Variants in PLBD2 observed in about 807,000 individuals in gnomAD.
PLBD2 encodes putative aminopeptidase PLBD2.
A neutral mutation model predicts 68.3 loss-of-function variants in PLBD2; 51 were observed. That is an observed-to-expected ratio of 0.75 (90% CI 0.60 to 0.94). The LOEUF (loss-of-function observed/expected upper bound fraction) is 0.94. Ranked by LOEUF, PLBD2 falls within the 40% of genes least tolerant of loss-of-function variation. The probability of loss-of-function intolerance (pLI) is 0.00; values close to 1 mark genes in which losing one functional copy is unlikely to be tolerated. For missense variants in PLBD2, 729 were observed against 792.2 expected (o/e 0.92, Z 0.96); for synonymous variants, 314 against 339.3 (o/e 0.93, Z 0.82).
chr12:113,362,218 G>A (rs939197030), intron 1 of PLBD2, among the ~76,000 whole-genome samples: 7 of 152,028 alleles, frequency 4.6e-5, no homozygotes, highest in African/African-American at 1.2e-4. Context: ...GTGTGGTTGC[G>A]CATGCCTGTG....
In PLBD2 at chr12:113,380,891, G is replaced by A. The variant is rs369119695; in HGVS notation, c.957+49G>A. ...TCTGTTCCTGGGGTGTTTGTCACAC[G>A]GCGGCTCTGAGCTGGCAGGATTGAT... On this transcript the variant is annotated intron_variant, in intron 6 of 11. Coordinates refer to ENST00000280800, the MANE Select transcript of PLBD2 (RefSeq NM_173542.4). The A allele has an allele frequency of 6.0e-4, 906 of 1,504,130 alleles. 1 individual carries two copies. Among genetic ancestry groups the A allele is most frequent in the Non-Finnish European group, 7.8e-4 (867 of 1,108,900 alleles). The allele number at this position is 1,504,130 out of a possible 1,614,324, so 93.2% of individuals were successfully genotyped here. A position where few individuals can be genotyped will look rare whatever the true frequency, so the allele number is the denominator to read the frequency against.
chr12:113,372,848 C>T lies in PLBD2; in HGVS notation c.543+41C>T, dbSNP rs1246310913. On this transcript the variant is annotated intron_variant, in intron 3 of 11. Coordinates refer to ENST00000280800, the MANE Select transcript of PLBD2 (RefSeq NM_173542.4). This position sits in a 1 kb window ranked among gnomAD's most constrained non-coding sequence, Gnocchi z 4.2. Reference sequence around the variant, plus strand: ...ACGCTTGGTGGGAGGGGGCTTCCAGCTGGCCAGCCATCCTGTCTCCTGTTG... The same window carrying T: ...ACGCTTGGTGGGAGGGGGCTTCCAGTTGGCCAGCCATCCTGTCTCCTGTTG... The T allele has an allele frequency of 1.3e-6, 2 of 1,596,368 alleles. No individual in the cohort carries two copies. Among genetic ancestry groups the T allele is most frequent in the Non-Finnish European group, 1.7e-6 (2 of 1,172,446 alleles).
intron 2 of PLBD2, among the ~76,000 whole-genome samples, chr12:113,370,930 C>T (rs1957384515): frequency 6.6e-6 from 1 of 152,174 alleles, no homozygotes; most frequent in East Asian, 1.9e-4. Context: ...AGAGCACCTG[C>T]CTGTAATCCC....
At chr12:113,378,631 G>A (rs1356798446) in intron 5 of PLBD2, among the ~76,000 whole-genome samples, 1 of 150,598 alleles carries the variant, frequency 6.6e-6, no homozygotes, top group Non-Finnish European at 1.5e-5. Context: ...CAAAGCACTG[G>A]GATTTCAGGT....
chr12:113,382,239 T>C (rs79051127), intron 6 of PLBD2, among the ~76,000 whole-genome samples: 4,058 of 152,318 alleles, frequency 0.027, 89 homozygotes, highest in Middle Eastern at 0.092. Context: ...GCTGCTTTAT[T>C]AACACACTGA....
chr12:113,386,291 C>T (rs534930698), intron 9 of PLBD2, among the ~76,000 whole-genome samples: 562 of 114,840 alleles, frequency 4.9e-3, no homozygotes, highest in Middle Eastern at 0.021. Flanking sequence ...CGGGTTCAAG[C>T]GATTCTTGTG....
At chr12:113,374,030 A>T (rs996192870) in intron 3 of PLBD2, among the ~76,000 whole-genome samples, 2 of 152,108 alleles carry the variant, frequency 1.3e-5, no homozygotes, top group Admixed American at 6.6e-5. Context: ...CCAAGGCCCC[A>T]TGAGGGACAC....
chr12:113,380,440 G>C (rs1390888142), intron 5 of PLBD2, among the ~76,000 whole-genome samples: 1 of 152,144 alleles, frequency 6.6e-6, no homozygotes. Context: ...CAGCTGTGTT[G>C]TTTCTTTTTA....
At chr12:113,371,699 C>T (rs772587255) in intron 2 of PLBD2, among the ~76,000 whole-genome samples, 4 of 152,128 alleles carry the variant, frequency 2.6e-5, no homozygotes, top group Admixed American at 6.5e-5. Context: ...CACTGAGCCT[C>T]CACCCTAAAC....
At chr12:113,385,047 C>A in intron 8 of PLBD2, 101 bp downstream of exon 8, 2 of 1,346,928 alleles carry the variant, frequency 1.5e-6, no homozygotes, top group South Asian at 1.3e-5. Context: ...TGAACGATCT[C>A]AGGAGGGTGT....
intron 1 of PLBD2, among the ~76,000 whole-genome samples, chr12:113,364,362 T>C (rs1000717695): frequency 6.6e-6 from 1 of 152,156 alleles, no homozygotes; most frequent in African/African-American, 2.4e-5. Flanking sequence ...TCTCCTTTGA[T>C]CCACTGCCAG....
In PLBD2 at chr12:113,369,111, T is replaced by G; in HGVS notation, c.291-5T>G. ...CTGACTGAGTGTCCCCTCCTTCCCCTCCAGGTGGGCCTTCCTGGAGCTGGG... is the reference window on the plus strand; with the variant it reads ...CTGACTGAGTGTCCCCTCCTTCCCCGCCAGGTGGGCCTTCCTGGAGCTGGG... On this transcript the variant is annotated splice_region_variant and splice_polypyrimidine_tract_variant and intron_variant, in intron 1 of 11. Transcript: ENST00000280800. The G allele has an allele frequency of 6.3e-7, 1 of 1,586,390 alleles. No individual in the cohort carries two copies. Among genetic ancestry groups the G allele is most frequent in the Non-Finnish European group, 8.6e-7 (1 of 1,165,766 alleles).
At chr12:113,364,731 G>C (rs754464851) in intron 1 of PLBD2, among the ~76,000 whole-genome samples, 8 of 152,108 alleles carry the variant, frequency 5.3e-5, no homozygotes, top group Non-Finnish European at 1.5e-5. Flanking sequence ...CAAAGCACTG[G>C]GGTTACAGGC....
chr12:113,368,056 T>G (rs1957357156), intron 1 of PLBD2, among the ~76,000 whole-genome samples: 1 of 151,166 alleles, frequency 6.6e-6, no homozygotes, highest in Non-Finnish European at 1.5e-5. Context: ...CCCCCCAGCC[T>G]GGGAAACAGC....
chr12:113,366,757 C>T (rs1028012516), intron 1 of PLBD2, among the ~76,000 whole-genome samples: 1 of 151,848 alleles, frequency 6.6e-6, no homozygotes, highest in South Asian at 2.1e-4. Flanking sequence ...TAGGCATCAG[C>T]CACCTGGCCT....
chr12:113,358,596 C>A lies in PLBD2; in HGVS notation c.-5C>A, dbSNP rs1417643319. 2.0e-6 allele frequency: 3 copies of A among 1,467,236 alleles called. No individual in the cohort carries two copies. The highest frequency in any genetic ancestry group is 2.7e-5 in the Admixed American group (1 of 36,452). The allele number at this position is 1,467,236 out of a possible 1,614,324, so 90.9% of individuals were successfully genotyped here. ...CCGGGCTGCGGGGCGCAGCATTGTGCGGTCATGGTGGGCCAGATGTACTGC... is the reference window on the plus strand; with the variant it reads ...CCGGGCTGCGGGGCGCAGCATTGTGAGGTCATGGTGGGCCAGATGTACTGC... On this transcript the variant is annotated 5_prime_UTR_variant, in exon 1 of 12. Coordinates refer to ENST00000280800, the MANE Select transcript of PLBD2 (RefSeq NM_173542.4).
intron 10 of PLBD2, 49 bp downstream of exon 10, chr12:113,387,138 A>G (rs1957560795): frequency 5.9e-6 from 9 of 1,515,432 alleles, no homozygotes; most frequent in Non-Finnish European, 7.9e-6. Context: ...CCGCAGGAAC[A>G]CAGAACTTCC....
chr12:113,372,550 A>C lies in PLBD2; in HGVS notation c.385-99A>C. Reference sequence around the variant, plus strand: ...CATGAGCAAGGACTCAGGTGGCCACACCAGCAGCCTCCGCTCTGGGGCAGC... The same window carrying C: ...CATGAGCAAGGACTCAGGTGGCCACCCCAGCAGCCTCCGCTCTGGGGCAGC... On this transcript the variant is annotated intron_variant, in intron 2 of 11. Transcript: ENST00000280800. This position sits in a 1 kb window ranked among gnomAD's most constrained non-coding sequence, Gnocchi z 4.2. 3 of 1,338,610 alleles carry C rather than the reference A, an allele frequency of 2.2e-6. No homozygotes were observed. The East Asian group carries it at 7.0e-5, about 31-fold the overall frequency. 82.9% of individuals were successfully genotyped at this position (1,338,610 alleles called of 1,614,324 possible).
intron 1 of PLBD2, among the ~76,000 whole-genome samples, chr12:113,366,382 C>T (rs1333375548): frequency 1.4e-5 from 2 of 143,768 alleles, no homozygotes; most frequent in Non-Finnish European, 3.2e-5. Context: ...TGATATCTAG[C>T]ACCGTGAAGG....
Sources: gnomAD v4.1 joint callset for allele counts (sites outside exome capture counted in the v4.1 genomes callset) on GRCh38, gnomAD v4.1.1 for gene constraint, Gnocchi (gnomAD v3.1) non-coding constraint, MANE v1.5 for transcripts, NCBI Gene and HGNC (gene_info 2026-07-23, HGNC 2026-07-21) for gene names.